The following PLXNA4 variants were observed in gnomAD, a reference collection of about 807,000 sequenced individuals.
PLXNA4 encodes the protein plexin-A4.
A neutral mutation model predicts 191.8 loss-of-function variants in PLXNA4; 44 were observed. The ratio of observed to expected loss-of-function variants is 0.23; its 90% confidence interval spans 0.18 to 0.29. The LOEUF is 0.29. PLXNA4 is among the 10% of genes least tolerant of loss of function. The probability of loss-of-function intolerance (pLI) is 1.00; values close to 1 mark genes in which losing one functional copy is unlikely to be tolerated. For synonymous variants in PLXNA4, 1,082 were observed against 1,009.5 expected, an observed-to-expected ratio of 1.07 and a Z score of -1.36; for missense variants, 1,800 against 2,488.8, an observed-to-expected ratio of 0.72 and a Z score of 5.89.
chr7:132,562,972 CCCTCCTCCTCCTTCTCCT>C lies in PLXNA4; in HGVS notation c.-87+13432_-87+13449del, dbSNP rs1357599981. 3.8e-3 allele frequency among the ~76,000 whole-genome samples: 160 copies of C among 41,732 alleles called. 8 individuals carry two copies. The highest frequency in any genetic ancestry group is 0.017 in the African/African-American group (153 of 8,972). The allele number at this position is 41,732 out of a possible 152,430, so 27.4% of individuals were successfully genotyped here. ...CTCCTCCTCTCCCTCCTCCTCCTCT[CCCTCCTCCTCCTTCTCCT>C]CCTCCTCCTCCTTCTCCTCCTCTTT... On this transcript the variant is annotated intron_variant, in intron 1 of 31. Coordinates refer to ENST00000321063, the MANE Select transcript of PLXNA4 (RefSeq NM_020911.2).
At chr7:132,589,934 T>A (rs1802574832) in intron 2 of PLXNA4, among the ~76,000 whole-genome samples, 1 of 151,844 alleles carries the variant, frequency 6.6e-6, no homozygotes, top group African/African-American at 2.4e-5. Flanking sequence ...GCAAAGGCTG[T>A]GAGGTGGGAC....
chr7:132,586,401 T>C (rs1802506217), intron 2 of PLXNA4, among the ~76,000 whole-genome samples: 1 of 152,204 alleles, frequency 6.6e-6, no homozygotes. Context: ...TGTCTTGAGG[T>C]ATCATTCTAA....
At chr7:132,199,468 G>A (rs773399971) in intron 12 of PLXNA4, among the ~76,000 whole-genome samples, 4 of 152,174 alleles carry the variant, frequency 2.6e-5, no homozygotes, top group African/African-American at 9.7e-5. Context: ...TGATTAAAAT[G>A]TGAGGACTCA....
chr7:132,501,697 C>G (rs941110716), intron 2 of PLXNA4, among the ~76,000 whole-genome samples: 1 of 152,192 alleles, frequency 6.6e-6, no homozygotes, highest in Non-Finnish European at 1.5e-5. Context: ...CACCTAAATA[C>G]CTGAGACAGG....
chr7:132,556,526 A>G (rs1800810400), intron 1 of PLXNA4, among the ~76,000 whole-genome samples: 1 of 152,234 alleles, frequency 6.6e-6, no homozygotes, highest in Non-Finnish European at 1.5e-5. Flanking sequence ...ACTGGAAATG[A>G]GTCCCCACAT....
intron 3 of PLXNA4, among the ~76,000 whole-genome samples, chr7:132,401,954 G>T (rs1174546272): frequency 6.6e-6 from 1 of 152,140 alleles, no homozygotes; most frequent in Non-Finnish European, 1.5e-5. Flanking sequence ...GTATCGATGG[G>T]TATAAAAGTA....
chr7:132,334,935 A>G (rs1393452657), intron 3 of PLXNA4, among the ~76,000 whole-genome samples: 1 of 152,198 alleles, frequency 6.6e-6, no homozygotes, highest in African/African-American at 2.4e-5. Flanking sequence ...TGTTCTTTCA[A>G]TTACCCAGAA....
At chr7:132,340,414 C>T (rs994525239) in intron 3 of PLXNA4, among the ~76,000 whole-genome samples, 2 of 152,202 alleles carry the variant, frequency 1.3e-5, no homozygotes, top group Non-Finnish European at 2.9e-5. Context: ...GCTTCCAAGG[C>T]ACCTGGATGT....
At chr7:132,206,440 GT>G (rs1484190160) in intron 10 of PLXNA4, among the ~76,000 whole-genome samples, 5 of 48,072 alleles carry the variant, frequency 1.0e-4, no homozygotes, top group Non-Finnish European at 1.8e-4. Context: ...GTTTTCTGGT[GT>G]GTGTGTGTGT....
At chr7:132,527,802 G>T (rs367561708) in intron 1 of PLXNA4, among the ~76,000 whole-genome samples, 3 of 152,062 alleles carry the variant, frequency 2.0e-5, no homozygotes, top group African/African-American at 4.8e-5. Context: ...CTCCACGCAC[G>T]TGCCCACCTG....
At chr7:132,618,381 A>G (rs914285839) in intron 2 of PLXNA4, among the ~76,000 whole-genome samples, 1 of 151,910 alleles carries the variant, frequency 6.6e-6, no homozygotes, top group Non-Finnish European at 1.5e-5. Flanking sequence ...AGCTTCATGA[A>G]GGCAGAGGCC....
chr7:132,243,900 CTT>C (rs61105674), intron 4 of PLXNA4, among the ~76,000 whole-genome samples: 2 of 148,616 alleles, frequency 1.3e-5, no homozygotes, highest in African/African-American at 2.5e-5. Flanking sequence ...CCTGGGAGAA[CTT>C]TTTTTTTTTA....
At chr7:132,456,111 CT>C (rs548680891) in intron 3 of PLXNA4, among the ~76,000 whole-genome samples, 23,761 of 128,858 alleles carry the variant, frequency 0.18, 3,191 homozygotes, top group African/African-American at 0.44. Context: ...CTCCTCTGTT[CT>C]TTTTTTTTTT....
At chr7:132,231,705 G>A (rs549932628) in intron 5 of PLXNA4, among the ~76,000 whole-genome samples, 13 of 152,308 alleles carry the variant, frequency 8.5e-5, no homozygotes, top group South Asian at 2.1e-4. Flanking sequence ...GATTACAGGC[G>A]TGAGCCACCA....
chr7:132,150,944 C>T (rs1228363141), intron 25 of PLXNA4, among the ~76,000 whole-genome samples: 1 of 152,178 alleles, frequency 6.6e-6, no homozygotes. Context: ...AATGAGAGTC[C>T]ACCTACCTCC....
chr7:132,452,950 G>A (rs1433001078), intron 3 of PLXNA4, among the ~76,000 whole-genome samples: 1 of 152,182 alleles, frequency 6.6e-6, no homozygotes, highest in African/African-American at 2.4e-5. Flanking sequence ...TGGGGGTTCA[G>A]AAGATGAGGA....
At chr7:132,238,719 C>A (rs982086592) in intron 5 of PLXNA4, among the ~76,000 whole-genome samples, 8 of 152,152 alleles carry the variant, frequency 5.3e-5, no homozygotes, top group Non-Finnish European at 1.0e-4. Flanking sequence ...GGAGTACCTG[C>A]CACTTAGACA....
In PLXNA4 at chr7:132,133,191, G is replaced by C. The variant is rs1213489375; in HGVS notation, c.5447C>G (p.Ser1816Ter). The change falls in exon 31 of 32, where the codon TCA (serine) becomes TGA (stop). Residue 1816 changes from serine (S) to a stop codon, truncating the protein, a stop_gained. Coordinates refer to ENST00000321063, the MANE Select transcript of PLXNA4 (RefSeq NM_020911.2). LOFTEE classifies it high-confidence loss of function. ...SYKNWVERYY[S>*]DIGKMPAISD... ...GATGGCTGGCATCTTCCCTATGTCT[G>C]AGTAATACCTGTGGAGGGATGGAAA... is the stretch of plus-strand genomic sequence containing the variant. 1 of 1,614,086 alleles carries C rather than the reference G, an allele frequency of 6.2e-7. No homozygotes were observed. The highest frequency in any genetic ancestry group is 8.5e-7 in the Non-Finnish European group (1 of 1,179,988).
chr7:132,203,568 A>G, intron 10 of PLXNA4, 149 bp from the exon 11 acceptor site: 2 of 679,848 alleles, frequency 2.9e-6, no homozygotes, highest in Non-Finnish European at 5.2e-6. Context: ...ACCTGTGTGC[A>G]TACAAGTATG....
Sources: allele counts gnomAD v4.1 joint callset (sites outside exome capture counted in the v4.1 genomes callset), GRCh38; gene constraint gnomAD v4.1.1; transcripts MANE v1.5; gene names NCBI Gene and HGNC (gene_info 2026-07-23, HGNC 2026-07-21).